The following SH3GL3 variants were observed in gnomAD, a reference collection of about 807,000 sequenced individuals.
SH3GL3 encodes the protein SH3 domain containing GRB2 like 3, endophilin A3, also known as endophilin-A3.
SH3GL3 carries 33 observed loss-of-function variants against 47.7 expected under a neutral mutation model. That is an observed-to-expected ratio of 0.69 (90% CI 0.52 to 0.92). The LOEUF (loss-of-function observed/expected upper bound fraction) is 0.92, where lower values mean the gene tolerates loss of function less well. SH3GL3 is among the 40% of genes least tolerant of loss of function. The pLI, the probability that SH3GL3 is intolerant of heterozygous loss-of-function variation, is 0.00. For synonymous variants in SH3GL3, 155 were observed against 148.8 expected (o/e 1.04, Z -0.30); for missense variants, 363 against 417.8 (o/e 0.87, Z 1.14).
At chr15:83,607,466 T>A (rs966851034) in intron 8 of SH3GL3, among the ~76,000 whole-genome samples, 1 of 152,136 alleles carries the variant, frequency 6.6e-6, no homozygotes, top group Non-Finnish European at 1.5e-5. Flanking sequence ...AAGAAAATAG[T>A]GCAAGGCTGG....
intron 1 of SH3GL3, among the ~76,000 whole-genome samples, chr15:83,472,818 T>G: frequency 6.6e-6 from 1 of 152,202 alleles, no homozygotes; most frequent in East Asian, 1.9e-4. Context: ...CTTAATTACA[T>G]TGTCTGGTTT....
chr15:83,597,679 G>A (rs927402548), intron 8 of SH3GL3, among the ~76,000 whole-genome samples: 2 of 150,926 alleles, frequency 1.3e-5, no homozygotes, highest in African/African-American at 4.9e-5. Flanking sequence ...GTACGATCTC[G>A]GCTCACTGCA....
chr15:83,497,238 G>C (rs1034639660), intron 1 of SH3GL3, among the ~76,000 whole-genome samples: 1 of 152,048 alleles, frequency 6.6e-6, no homozygotes, highest in African/African-American at 2.4e-5. Context: ...CCAAGACCCC[G>C]TGGTAGTAGT....
chr15:83,540,090 C>A (rs551083237), intron 1 of SH3GL3, among the ~76,000 whole-genome samples: 2 of 152,142 alleles, frequency 1.3e-5, no homozygotes, highest in South Asian at 4.1e-4. Flanking sequence ...GCTGTTTATG[C>A]ATGTGTTGTT....
At chr15:83,586,429 T>C (rs1185477605) in intron 6 of SH3GL3, among the ~76,000 whole-genome samples, 1 of 152,160 alleles carries the variant, frequency 6.6e-6, no homozygotes, top group Non-Finnish European at 1.5e-5. Flanking sequence ...TCAGGGAAAA[T>C]ATGTTGAGTG....
the SH3GL3 span, among the ~76,000 whole-genome samples, chr15:83,627,256 G>A: frequency 6.6e-6 from 1 of 152,048 alleles, no homozygotes; most frequent in African/African-American, 2.4e-5. Flanking sequence ...AATTAGCTGG[G>A]CATGGTGGCG....
intron 8 of SH3GL3, among the ~76,000 whole-genome samples, chr15:83,614,850 C>T (rs1255381397): frequency 6.6e-6 from 1 of 152,164 alleles, no homozygotes; most frequent in African/African-American, 2.4e-5. Flanking sequence ...CAACTCTTGT[C>T]TTCCTCCTCC....
chr15:83,559,113 A>G (rs56024090), intron 1 of SH3GL3, 140 bp from the exon 2 acceptor site: 9,104 of 623,734 alleles, frequency 0.015, 98 homozygotes, highest in Non-Finnish European at 0.021. Context: ...TACCCCTTCC[A>G]ACAATTTTCT....
At chr15:83,589,712 C>A (rs541905331) in intron 8 of SH3GL3, among the ~76,000 whole-genome samples, 212 of 152,282 alleles carry the variant, frequency 1.4e-3, no homozygotes, top group African/African-American at 4.8e-3. Context: ...TTATACTAGG[C>A]ATATTGTTTG....
intron 4 of SH3GL3, among the ~76,000 whole-genome samples, chr15:83,570,576 T>C (rs1176844343): frequency 6.6e-6 from 1 of 152,166 alleles, no homozygotes; most frequent in Non-Finnish European, 1.5e-5. Context: ...TGAGGATGAA[T>C]TGGATTTAAT....
chr15:83,587,526 A>T (rs895250409), intron 7 of SH3GL3, among the ~76,000 whole-genome samples: 5 of 27,112 alleles, frequency 1.8e-4, no homozygotes, highest in South Asian at 1.0e-3. Flanking sequence ...AAATATCTGT[A>T]AAAAAAAAAA....
At chr15:83,492,889 C>A (rs1343444016) in intron 1 of SH3GL3, among the ~76,000 whole-genome samples, 1 of 152,214 alleles carries the variant, frequency 6.6e-6, no homozygotes, top group African/African-American at 2.4e-5. Context: ...GGTCACCTCC[C>A]AGTTAAACCA....
At chr15:83,490,825 G>GATGA in intron 1 of SH3GL3, 1 of 1,614,146 alleles carries the variant, frequency 6.2e-7, no homozygotes, top group Non-Finnish European at 8.5e-7. Context: ...TAAATCAGAA[G>GATGA]ATGAATGAAT....
At chr15:83,492,761 C>G (rs1266361518) in intron 1 of SH3GL3, among the ~76,000 whole-genome samples, 2 of 152,246 alleles carry the variant, frequency 1.3e-5, no homozygotes, top group African/African-American at 4.8e-5. Flanking sequence ...TGGTGCCCCA[C>G]ACTGTTTTCC....
intron 2 of SH3GL3, among the ~76,000 whole-genome samples, chr15:83,559,733 G>A (rs1403030967): frequency 6.6e-6 from 1 of 152,204 alleles, no homozygotes; most frequent in Admixed American, 6.5e-5. Flanking sequence ...GCTCCCATGT[G>A]TTGCAGGAGC....
intron 7 of SH3GL3, 47 bp downstream of exon 7, chr15:83,587,133 A>G: frequency 2.1e-6 from 2 of 932,752 alleles, no homozygotes; most frequent in South Asian, 1.5e-5. Flanking sequence ...CGGAGGTAAC[A>G]TCTATTGAAA....
At chr15:83,630,305 C>T in the SH3GL3 span, among the ~76,000 whole-genome samples, 4 of 152,232 alleles carry the variant, frequency 2.6e-5, no homozygotes, top group South Asian at 8.3e-4. Context: ...ATAAAAAGCA[C>T]TAACCCCAAA....
intron 1 of SH3GL3, among the ~76,000 whole-genome samples, chr15:83,508,363 G>A (rs2042601849): frequency 6.6e-6 from 1 of 152,024 alleles, no homozygotes. Flanking sequence ...CTTGGCAGAG[G>A]GGAAAGCCTG....
chr15:83,473,748 C>T lies in SH3GL3; in HGVS notation c.45+26170C>T, dbSNP rs796699079. Among the ~76,000 whole-genome samples, 121 of 151,806 alleles carry T rather than the reference C, an allele frequency of 8.0e-4. 1 individual carries two copies. The highest frequency in any genetic ancestry group is 2.7e-3 in the African/African-American group (110 of 41,420). The stretch of plus-strand genomic sequence containing the variant: ...ATTTTTAGTAGAGACGGGGTTTCAC[C>T]GTGTTAGCCAGGATGGTCTCGATCT... On this transcript the variant is annotated intron_variant, in intron 1 of 8. Coordinates refer to ENST00000427482, the MANE Select transcript of SH3GL3 (RefSeq NM_003027.5).
Sources: allele counts gnomAD v4.1 joint callset (sites outside exome capture counted in the v4.1 genomes callset), GRCh38; gene constraint gnomAD v4.1.1; transcripts MANE v1.5; gene names NCBI Gene and HGNC (gene_info 2026-07-23, HGNC 2026-07-21).